The following DLG2 variants were observed in gnomAD, a reference collection of about 807,000 sequenced individuals.
DLG2 encodes discs large MAGUK scaffold protein 2, also known as disks large homolog 2.
Under a neutral mutation model 132.5 loss-of-function variants are expected in DLG2, and 45 were observed. The ratio of observed to expected loss-of-function variants is 0.34; its 90% CI spans 0.27 to 0.44. DLG2 has a LOEUF of 0.44. Among genes scored for constraint, DLG2 ranks in the 20% least tolerant of loss-of-function variants. The probability of loss-of-function intolerance (pLI) is 1.00; values close to 1 mark genes in which losing one functional copy is unlikely to be tolerated. For synonymous variants in DLG2, 424 were observed against 419.6 expected, an observed-to-expected ratio of 1.01 and a Z score of -0.13; for missense variants, 1,045 against 1,196.9, an observed-to-expected ratio of 0.87 and a Z score of 1.87.
intron 13 of DLG2, among the ~76,000 whole-genome samples, chr11:83,964,575 G>A (rs1225196163): frequency 1.3e-5 from 2 of 151,942 alleles, no homozygotes; most frequent in Non-Finnish European, 2.9e-5. Flanking sequence ...GCTTACTACT[G>A]TTGACACAAC....
intron 7 of DLG2, among the ~76,000 whole-genome samples, chr11:84,415,946 A>G (rs2098928122): frequency 6.6e-6 from 1 of 152,030 alleles, no homozygotes; most frequent in Non-Finnish European, 1.5e-5. Context: ...ATTAGCTGTT[A>G]TTGCTGTTAT....
At chr11:84,671,526 C>T (rs1283908907) in intron 6 of DLG2, among the ~76,000 whole-genome samples, 2 of 152,124 alleles carry the variant, frequency 1.3e-5, no homozygotes, top group African/African-American at 4.8e-5. Context: ...CAGCCTTCTG[C>T]TCTGGGAACC....
At chr11:84,783,014 G>A (rs1248633710) in intron 6 of DLG2, among the ~76,000 whole-genome samples, 6 of 151,940 alleles carry the variant, frequency 3.9e-5, no homozygotes, top group Non-Finnish European at 8.8e-5. Context: ...TCAACCCACT[G>A]CTTCTTCCTA....
intron 6 of DLG2, among the ~76,000 whole-genome samples, chr11:85,018,935 A>G (rs1396378238): frequency 6.6e-6 from 1 of 152,150 alleles, no homozygotes; most frequent in African/African-American, 2.4e-5. Context: ...CACTTTTTCT[A>G]GAGGATGCAT....
chr11:84,386,535 G>T (rs2098770995), intron 7 of DLG2, among the ~76,000 whole-genome samples: 1 of 151,916 alleles, frequency 6.6e-6, no homozygotes, highest in Admixed American at 6.6e-5. Context: ...TTTTAAGATT[G>T]TTGATATTTA....
chr11:85,297,904 A>G (rs1480935622), intron 3 of DLG2, among the ~76,000 whole-genome samples: 1 of 152,196 alleles, frequency 6.6e-6, no homozygotes. Context: ...AAAACAAGTT[A>G]AGGAAGGCCA....
chr11:85,586,239 G>A (rs563422919), intron 3 of DLG2, among the ~76,000 whole-genome samples: 1 of 152,138 alleles, frequency 6.6e-6, no homozygotes, highest in Non-Finnish European at 1.5e-5. Flanking sequence ...GATTTAGGGA[G>A]GATTCCGTCT....
At chr11:85,606,802 C>T (rs541543666) in intron 2 of DLG2, among the ~76,000 whole-genome samples, 13 of 152,054 alleles carry the variant, frequency 8.5e-5, no homozygotes, top group African/African-American at 2.4e-4. Flanking sequence ...TAACTCCAGA[C>T]GCGCCACCTT....
intron 18 of DLG2, among the ~76,000 whole-genome samples, chr11:83,703,897 A>C (rs1057238367): frequency 5.9e-5 from 9 of 152,154 alleles, no homozygotes; most frequent in African/African-American, 2.2e-4. Context: ...GGAATCTTAG[A>C]TCTCTTTTAA....
At chr11:83,865,400 T>G (rs2062132971) in intron 16 of DLG2, among the ~76,000 whole-genome samples, 1 of 151,992 alleles carries the variant, frequency 6.6e-6, no homozygotes, top group Non-Finnish European at 1.5e-5. Context: ...CTGAGATGCC[T>G]TTGTAAATTA....
intron 5 of DLG2, among the ~76,000 whole-genome samples, chr11:85,122,894 ATATACACACACATATT>A (rs1174744517): frequency 6.9e-6 from 1 of 143,952 alleles, no homozygotes; most frequent in Non-Finnish European, 1.5e-5. Context: ...ATTTATACAC[ATATACACACACATATT>A]TATACACACA....
chr11:84,952,201 C>A (rs144772992), intron 6 of DLG2, among the ~76,000 whole-genome samples: 2 of 152,212 alleles, frequency 1.3e-5, no homozygotes, highest in African/African-American at 4.8e-5. Flanking sequence ...TAACTCACTG[C>A]CTCTAATGTG....
At chr11:85,195,368 C>T (rs2080950271) in intron 4 of DLG2, among the ~76,000 whole-genome samples, 1 of 151,908 alleles carries the variant, frequency 6.6e-6, no homozygotes, top group Admixed American at 6.6e-5. Flanking sequence ...CCCACTGAAG[C>T]CAGAGTAACA....
intron 4 of DLG2, among the ~76,000 whole-genome samples, chr11:85,191,152 G>GCACA (rs1400129477): frequency 3.9e-5 from 5 of 127,326 alleles, no homozygotes; most frequent in African/African-American, 1.6e-4. Context: ...ATGCGCGCGC[G>GCACA]CGCACGCGCG....
intron 3 of DLG2, among the ~76,000 whole-genome samples, chr11:85,532,240 T>A (rs1452862018): frequency 6.6e-6 from 1 of 152,232 alleles, no homozygotes; most frequent in Non-Finnish European, 1.5e-5. Flanking sequence ...ATATGTCTTT[T>A]AATTATTATT....
intron 6 of DLG2, among the ~76,000 whole-genome samples, chr11:84,834,401 C>T (rs1399268673): frequency 6.6e-6 from 1 of 151,518 alleles, no homozygotes; most frequent in Non-Finnish European, 1.5e-5. Flanking sequence ...GTAAACAGCT[C>T]ATCTCTTTTC....
chr11:84,336,842 AG>A (rs1254499100), intron 7 of DLG2, among the ~76,000 whole-genome samples: 1 of 152,182 alleles, frequency 6.6e-6, no homozygotes, highest in Non-Finnish European at 1.5e-5. Flanking sequence ...GAATTTGCTG[AG>A]TGGAATCTCT....
intron 3 of DLG2, among the ~76,000 whole-genome samples, chr11:85,397,697 G>C (rs1245611047): frequency 6.6e-6 from 1 of 152,096 alleles, no homozygotes; most frequent in Admixed American, 6.6e-5. Flanking sequence ...ACTACATAAT[G>C]GTAAAAGGAT....
At chr11:84,977,812 T>TG (rs2055131745) in intron 6 of DLG2, among the ~76,000 whole-genome samples, 1 of 152,132 alleles carries the variant, frequency 6.6e-6, no homozygotes, top group African/African-American at 2.4e-5. Flanking sequence ...ATTTTGTACC[T>TG]GGGGGGTGCC....
Sources: allele counts gnomAD v4.1 joint callset (sites outside exome capture counted in the v4.1 genomes callset), GRCh38; gene constraint gnomAD v4.1.1; transcripts MANE v1.5; gene names NCBI Gene and HGNC (gene_info 2026-07-23, HGNC 2026-07-21).